DSCAM: variants seen among roughly 807,000 people sequenced by gnomAD.
DSCAM encodes the protein cell adhesion molecule DSCAM.
DSCAM carries 47 observed loss-of-function variants against 217.7 expected under a neutral mutation model. That is an observed-to-expected ratio of 0.22 (90% CI 0.17 to 0.28). DSCAM has a LOEUF of 0.28. DSCAM is among the 10% of genes least tolerant of loss of function. DSCAM has a pLI of 1.00. For missense variants in DSCAM, 2,080 were observed against 2,618.3 expected (o/e 0.79, Z 4.49); for synonymous variants, 1,056 against 1,015.3 (o/e 1.04, Z -0.76).
chr21:40,734,313 G>C (rs1273959508), intron 1 of DSCAM, among the ~76,000 whole-genome samples: 2 of 152,254 alleles, frequency 1.3e-5, no homozygotes, highest in East Asian at 3.9e-4. Context: ...TAAGAAAAGG[G>C]GCACGCTGCT....
chr21:40,259,300 T>C (rs953201156), intron 11 of DSCAM, among the ~76,000 whole-genome samples: 1 of 151,476 alleles, frequency 6.6e-6, no homozygotes, highest in Non-Finnish European at 1.5e-5. Flanking sequence ...ACCCCAGCAG[T>C]GTCATGGAGG....
intron 3 of DSCAM, among the ~76,000 whole-genome samples, chr21:40,558,946 C>A (rs923202022): frequency 1.3e-5 from 2 of 152,294 alleles, no homozygotes; most frequent in East Asian, 3.9e-4. Flanking sequence ...GTATTATGTG[C>A]ATAAAACAGT....
intron 3 of DSCAM, among the ~76,000 whole-genome samples, chr21:40,464,888 A>G (rs771303295): frequency 1.8e-4 from 27 of 151,860 alleles, no homozygotes; most frequent in Non-Finnish European, 2.8e-4. Flanking sequence ...CTACAGGCAC[A>G]CATCACCATG....
intron 7 of DSCAM, 57 bp downstream of exon 7, chr21:40,339,062 T>C (rs117449097): frequency 0.016 from 24,892 of 1,585,778 alleles, 244 homozygotes; most frequent in South Asian, 0.017. Flanking sequence ...GCAGAAATCT[T>C]CTTCTCCACT....
At chr21:40,167,882 G>A (rs894368247) in intron 15 of DSCAM, among the ~76,000 whole-genome samples, 3 of 152,120 alleles carry the variant, frequency 2.0e-5, no homozygotes, top group Non-Finnish European at 4.4e-5. Context: ...TGGCTAACAC[G>A]ATGAAACCCC....
chr21:40,560,692 CA>C (rs2076713690), intron 3 of DSCAM, among the ~76,000 whole-genome samples: 2 of 152,292 alleles, frequency 1.3e-5, no homozygotes, highest in South Asian at 4.1e-4. Context: ...TACAGTTGGG[CA>C]AAATCACATC....
At chr21:40,615,270 A>C (rs1358997404) in intron 3 of DSCAM, 1 of 139,642 alleles carries the variant, frequency 7.2e-6, no homozygotes, top group African/African-American at 2.7e-5. Context: ...CGACAGAGAG[A>C]GACTCTGTCT....
chr21:40,648,760 T>TA (rs894131252), intron 3 of DSCAM, among the ~76,000 whole-genome samples: 5 of 152,166 alleles, frequency 3.3e-5, no homozygotes, highest in African/African-American at 1.2e-4. Context: ...CACTGGGAGA[T>TA]AAACAACCCA....
chr21:40,217,833 G>C lies in DSCAM; in HGVS notation c.2357-28595C>G, dbSNP rs149484539. The stretch of plus-strand genomic sequence containing the variant: ...CTTCTTTTGAGAAGTGTCTGTTCAC[G>C]TCCTTTGCCCACTTTTTAATGGGGT... On this transcript the variant is annotated intron_variant, in intron 11 of 32. Coordinates refer to ENST00000400454, the MANE Select transcript of DSCAM (RefSeq NM_001389.5). Among the ~76,000 whole-genome samples the C allele has an allele frequency of 4.3e-3, 661 of 152,036 alleles. 7 individuals carry two copies. The highest frequency in any genetic ancestry group is 0.015 in the African/African-American group (639 of 41,456).
chr21:40,637,632 A>AATATATCTAT (rs2089819774), intron 3 of DSCAM, among the ~76,000 whole-genome samples: 1 of 42,222 alleles, frequency 2.4e-5, no homozygotes, highest in African/African-American at 9.4e-5. Flanking sequence ...TACATATATA[A>AATATATCTAT]ATATATATAA....
intron 28 of DSCAM, among the ~76,000 whole-genome samples, chr21:40,058,876 C>CT (rs1330913479): frequency 1.3e-5 from 2 of 152,148 alleles, no homozygotes; most frequent in Non-Finnish European, 2.9e-5. Flanking sequence ...AAAATTGCAT[C>CT]TTTTTTGCAT....
chr21:40,450,496 C>A (rs1485317935), intron 3 of DSCAM, among the ~76,000 whole-genome samples: 1 of 152,008 alleles, frequency 6.6e-6, no homozygotes, highest in East Asian at 1.9e-4. Context: ...GCTTGATGGC[C>A]TTGGAAAAAA....
chr21:40,606,368 T>C (rs1568933975), intron 3 of DSCAM, among the ~76,000 whole-genome samples: 1 of 152,196 alleles, frequency 6.6e-6, no homozygotes, highest in Non-Finnish European at 1.5e-5. Context: ...CATTGCCAGA[T>C]TTATAATTCT....
chr21:40,747,757 TACA>T (rs2091189388), intron 1 of DSCAM, among the ~76,000 whole-genome samples: 1 of 146,382 alleles, frequency 6.8e-6, no homozygotes, highest in Non-Finnish European at 1.5e-5. Context: ...CAGAAAAGAA[TACA>T]ACAACAAAAA....
chr21:40,242,782 T>C (rs919685869), intron 11 of DSCAM, among the ~76,000 whole-genome samples: 4 of 152,212 alleles, frequency 2.6e-5, no homozygotes, highest in South Asian at 2.1e-4. Context: ...AGTGGGCATA[T>C]TGTGTGAGTG....
intron 11 of DSCAM, among the ~76,000 whole-genome samples, chr21:40,232,546 G>T (rs1173541937): frequency 6.6e-6 from 1 of 152,146 alleles, no homozygotes; most frequent in African/African-American, 2.4e-5. Flanking sequence ...TGCCCGGAAA[G>T]CTACTGCCCA....
chr21:40,643,421 C>T (rs913178911), intron 3 of DSCAM, among the ~76,000 whole-genome samples: 18 of 152,148 alleles, frequency 1.2e-4, no homozygotes, highest in African/African-American at 3.6e-4. Context: ...TTCAGTTTCG[C>T]GAGCTGCTCA....
chr21:40,525,868 C>A (rs1240748807), intron 3 of DSCAM, among the ~76,000 whole-genome samples: 29 of 152,156 alleles, frequency 1.9e-4, no homozygotes, highest in Admixed American at 1.9e-3. Context: ...TCTTGGCCAG[C>A]AAACAAGACA....
chr21:40,708,233 C>T (rs1262250220), intron 2 of DSCAM, among the ~76,000 whole-genome samples: 2 of 152,210 alleles, frequency 1.3e-5, no homozygotes, highest in Non-Finnish European at 2.9e-5. Context: ...AACTTGCCAA[C>T]TTGCTAATCA....
Sources: gnomAD v4.1 joint callset for allele counts (sites outside exome capture counted in the v4.1 genomes callset) on GRCh38, gnomAD v4.1.1 for gene constraint, MANE v1.5 for transcripts, NCBI Gene and HGNC (gene_info 2026-07-23, HGNC 2026-07-21) for gene names.